The following TNPO3 variants were observed in gnomAD, a reference collection of about 807,000 sequenced individuals.
The protein encoded by TNPO3 is transportin 3.
In TNPO3, 65 loss-of-function variants were observed where a neutral mutation model predicts 122.8. That is an observed-to-expected ratio of 0.53 (90% confidence interval 0.43 to 0.65). The LOEUF is 0.65. Among genes scored for constraint, TNPO3 ranks in the 30% least tolerant of loss-of-function variants. The pLI, the probability that TNPO3 is intolerant of heterozygous loss-of-function variation, is 0.00. For synonymous variants in TNPO3, 372 were observed against 411.2 expected, an observed-to-expected ratio of 0.90 and a Z score of 1.15; for missense variants, 850 against 1,136.7, an observed-to-expected ratio of 0.75 and a Z score of 3.63.
At chr7:129,009,566 T>C (rs936709079) in intron 4 of TNPO3, among the ~76,000 whole-genome samples, 2 of 152,202 alleles carry the variant, frequency 1.3e-5, no homozygotes, top group African/African-American at 4.8e-5. Flanking sequence ...TCACCTGTGA[T>C]TGATTGTCAT....
At chr7:128,976,089 G>C (rs75403282) in intron 16 of TNPO3, among the ~76,000 whole-genome samples, 154 bp from the exon 17 acceptor site, 8 of 152,322 alleles carry the variant, frequency 5.3e-5, no homozygotes, top group Non-Finnish European at 8.8e-5. Context: ...GTGAAACACA[G>C]GGCTCAATAT....
chr7:129,054,812 T>C lies in TNPO3; in HGVS notation c.-42A>G, dbSNP rs565420465. ...GCGGTAGCGACGGCTCTGATTCTTCTCCGGAGGATTCCTCGGTTGCTCCGC... is the reference window on the plus strand; with the variant it reads ...GCGGTAGCGACGGCTCTGATTCTTCCCCGGAGGATTCCTCGGTTGCTCCGC... On this transcript the variant is annotated 5_prime_UTR_variant, in exon 1 of 23. Coordinates refer to ENST00000265388, the MANE Select transcript of TNPO3 (RefSeq NM_012470.4). 4.3e-6 allele frequency: 7 copies of C among 1,612,644 alleles called. No homozygotes were observed. The highest frequency in any genetic ancestry group is 1.3e-5 in the African/African-American group (1 of 75,024).
Position 129,027,558 on chromosome 7 carries a change from CAAAAAAAA to C in TNPO3, c.121-9409_121-9402del, listed in dbSNP as rs71162549. ...CCTGGGCAACAGAGCAAGACTGTCTCAAAAAAAAAAAAAAAAAAAAAAAAAAAAAAAAA... is the reference window on the plus strand; with the variant it reads ...CCTGGGCAACAGAGCAAGACTGTCTCAAAAAAAAAAAAAAAAAAAAAAAAA... On this transcript the variant is annotated intron_variant, in intron 1 of 22. Coordinates refer to ENST00000265388, the MANE Select transcript of TNPO3 (RefSeq NM_012470.4). Among the ~76,000 whole-genome samples the C allele has an allele frequency of 1.7e-3, 15 of 8,970 alleles. No individual in the cohort carries two copies. The Admixed American group carries it at 0.02, about 12-fold the overall frequency. 5.9% of individuals were successfully genotyped at this position (8,970 alleles called of 152,430 possible).
Position 128,955,277 on chromosome 7 carries a change from G to A in TNPO3, c.*140C>T, listed in dbSNP as rs1328601623. 9 of 454,534 alleles carry A rather than the reference G, an allele frequency of 2.0e-5. No individual in the cohort carries two copies. In the East Asian group the frequency reaches 3.5e-4, roughly 18 times the overall value. The allele number at this position is 454,534 out of a possible 1,614,324, so 28.2% of individuals were successfully genotyped here. ...AGGCTGGAGTCTCTCCCTGTCTGGC[G>A]GGACACCCTGGTGGCGGTGAAGGCC... On this transcript the variant is annotated 3_prime_UTR_variant, in exon 23 of 23. Transcript: ENST00000265388.
rs924928213 is a variant in TNPO3 at position 128,994,522 on chromosome 7, G to A, written c.1159-608C>T. On this transcript the variant is annotated intron_variant, in intron 8 of 22. Transcript: ENST00000265388. Reference sequence around the variant, plus strand: ...ATGTGGCTTGGGGAGAGTGAGAAGTGACCTGGAAGAAGTAGTAAATTAAGT... The same window carrying A: ...ATGTGGCTTGGGGAGAGTGAGAAGTAACCTGGAAGAAGTAGTAAATTAAGT... Among the ~76,000 whole-genome samples the A allele has an allele frequency of 1.4e-4, 22 of 152,222 alleles. 1 individual carries two copies. In the South Asian group the frequency reaches 1.7e-3, roughly 11 times the overall value.
chr7:129,002,605 T>C (rs954495183), intron 5 of TNPO3, among the ~76,000 whole-genome samples: 5 of 152,182 alleles, frequency 3.3e-5, no homozygotes, highest in Non-Finnish European at 7.3e-5. Context: ...AGATTCTCAT[T>C]ATATTACCAA....
In TNPO3 at chr7:129,001,483, G is replaced by A. The variant is rs111226894; in HGVS notation, c.697-249C>T. Reference sequence around the variant, plus strand: ...TAGAGTATATGGGAAGATGTGGATAGGTTATATGCAAATACTGCACCATTT... The same window carrying A: ...TAGAGTATATGGGAAGATGTGGATAAGTTATATGCAAATACTGCACCATTT... On this transcript the variant is annotated intron_variant, in intron 5 of 22. Coordinates refer to ENST00000265388, the MANE Select transcript of TNPO3 (RefSeq NM_012470.4). Among the ~76,000 whole-genome samples the A allele has an allele frequency of 7.0e-3, 1,063 of 152,286 alleles. 14 individuals carry two copies. The highest frequency in any genetic ancestry group is 0.025 in the African/African-American group (1,020 of 41,542).
chr7:128,960,652 C>T (rs781638007), intron 21 of TNPO3, among the ~76,000 whole-genome samples: 2 of 151,260 alleles, frequency 1.3e-5, no homozygotes, highest in African/African-American at 2.4e-5. Flanking sequence ...ATGAGCTGTA[C>T]AATTTGTGTT....
chr7:129,015,215 C>T, intron 3 of TNPO3, 80 bp from the exon 4 acceptor site: 2 of 1,450,334 alleles, frequency 1.4e-6, no homozygotes, highest in Non-Finnish European at 9.3e-7. Flanking sequence ...ATCAGAGTAA[C>T]TCACAACAAC....
chr7:128,998,215 G>C (rs1414675293), intron 7 of TNPO3, among the ~76,000 whole-genome samples: 1 of 151,926 alleles, frequency 6.6e-6, no homozygotes, highest in Non-Finnish European at 1.5e-5. Context: ...AAATTAGCCA[G>C]GCATGTAGGT....
chr7:128,989,852 A>G, intron 11 of TNPO3, 109 bp downstream of exon 11: 10 of 1,242,984 alleles, frequency 8.0e-6, no homozygotes, highest in Non-Finnish European at 9.0e-6. Flanking sequence ...TTCTATAAAC[A>G]CTCCGTGTTA....
intron 1 of TNPO3, among the ~76,000 whole-genome samples, chr7:129,039,880 C>G (rs3993439): frequency 0.95 from 145,223 of 152,304 alleles, 69,372 homozygotes; most frequent in East Asian, 1. Flanking sequence ...CAAAACTCTA[C>G]AGACAGAAAG....
chr7:129,013,306 G>C (rs1047450541), intron 4 of TNPO3, among the ~76,000 whole-genome samples: 1 of 152,010 alleles, frequency 6.6e-6, no homozygotes, highest in Non-Finnish European at 1.5e-5. Flanking sequence ...AAGCTAAAAG[G>C]CTTCTGCACA....
At chr7:128,995,147 T>C (rs1273514619) in intron 8 of TNPO3, among the ~76,000 whole-genome samples, 3 of 152,292 alleles carry the variant, frequency 2.0e-5, no homozygotes, top group East Asian at 3.9e-4. Flanking sequence ...AAAACAAGCA[T>C]AGTAAAATAT....
At chr7:128,978,845 T>G in intron 16 of TNPO3, 138 bp downstream of exon 16, 1 of 916,000 alleles carries the variant, frequency 1.1e-6, no homozygotes. Flanking sequence ...TTGGCCAGGC[T>G]GGTCTTGAAC....
intron 16 of TNPO3, among the ~76,000 whole-genome samples, 170 bp from the exon 17 acceptor site, chr7:128,976,105 T>C (rs1799032613): frequency 6.6e-6 from 1 of 152,266 alleles, no homozygotes; most frequent in South Asian, 2.1e-4. Context: ...AATATCTCAA[T>C]GATTTTCAGG....
intron 20 of TNPO3, among the ~76,000 whole-genome samples, chr7:128,968,265 T>A (rs1440459700): frequency 6.6e-6 from 1 of 152,222 alleles, no homozygotes; most frequent in Non-Finnish European, 1.5e-5. Flanking sequence ...GATATCTGCC[T>A]GTTCTTTGTG....
intron 21 of TNPO3, among the ~76,000 whole-genome samples, chr7:128,957,787 A>T (rs1797041862): frequency 6.6e-6 from 1 of 152,186 alleles, no homozygotes; most frequent in African/African-American, 2.4e-5. Context: ...TCTTCCAAAG[A>T]TAGATTTTGT....
chr7:128,965,295 A>C (rs553808235), intron 21 of TNPO3, among the ~76,000 whole-genome samples: 43 of 152,250 alleles, frequency 2.8e-4, no homozygotes, highest in Admixed American at 5.2e-4. Context: ...TTTCTCCAAG[A>C]AGACAAAACA....
Sources: allele counts gnomAD v4.1 joint callset (sites outside exome capture counted in the v4.1 genomes callset), GRCh38; gene constraint gnomAD v4.1.1; transcripts MANE v1.5; gene names NCBI Gene and HGNC (gene_info 2026-07-23, HGNC 2026-07-21).